TUB: variants seen among roughly 807,000 people sequenced by gnomAD.
TUB encodes the protein tubby protein homolog.
A neutral mutation model predicts 59.7 loss-of-function variants in TUB; 33 were observed. The ratio of observed to expected loss-of-function variants is 0.55; its 90% CI spans 0.42 to 0.74. The LOEUF (loss-of-function observed/expected upper bound fraction) is 0.74. Among genes scored for constraint, TUB ranks in the 30% least tolerant of loss-of-function variants. The pLI is 0.00. For missense variants in TUB, 659 were observed against 672.0 expected, an observed-to-expected ratio of 0.98 and a Z score of 0.21; for synonymous variants, 293 against 256.4, an observed-to-expected ratio of 1.14 and a Z score of -1.36.
At chr11:8,040,910 G>A (rs1394868418) in intron 2 of TUB, among the ~76,000 whole-genome samples, 1 of 152,220 alleles carries the variant, frequency 6.6e-6, no homozygotes, top group Non-Finnish European at 1.5e-5. Context: ...AACCCCTTGT[G>A]TAACAGGCAA....
chr11:8,045,032 T>C (rs965197442), intron 2 of TUB, among the ~76,000 whole-genome samples: 1 of 152,184 alleles, frequency 6.6e-6, no homozygotes, highest in African/African-American at 2.4e-5. Flanking sequence ...TCCTGTTACA[T>C]AGGTACAACT....
intron 4 of TUB, among the ~76,000 whole-genome samples, chr11:8,094,955 T>G (rs1209732098): frequency 6.6e-6 from 1 of 152,218 alleles, no homozygotes; most frequent in Non-Finnish European, 1.5e-5. Flanking sequence ...AGCTCTGTGG[T>G]AACGGGCAGG....
chr11:8,039,073 G>A (rs1942696859), intron 1 of TUB: 3 of 1,597,708 alleles, frequency 1.9e-6, no homozygotes, highest in Non-Finnish European at 2.6e-6. Context: ...CCCAACCATT[G>A]CGTCAGCTCC....
intron 1 of TUB, among the ~76,000 whole-genome samples, chr11:8,086,384 C>T (rs1238539900): frequency 6.6e-6 from 1 of 151,924 alleles, no homozygotes; most frequent in South Asian, 2.1e-4. Context: ...TGGGTGGGGG[C>T]GGAGAAGGGA....
intron 1 of TUB, among the ~76,000 whole-genome samples, chr11:8,022,132 C>T (rs1247997012): frequency 6.6e-6 from 1 of 152,132 alleles, no homozygotes; most frequent in African/African-American, 2.4e-5. Context: ...TTTAAAACTT[C>T]GCAGTTGATT....
intron 2 of TUB, among the ~76,000 whole-genome samples, chr11:8,071,162 C>A (rs920654472): frequency 6.6e-6 from 1 of 152,134 alleles, no homozygotes; most frequent in Non-Finnish European, 1.5e-5. Context: ...TTCAGACCCA[C>A]TTACGGAGTG....
At chr11:8,086,578 C>G (rs991394684) in intron 1 of TUB, among the ~76,000 whole-genome samples, 10 of 152,158 alleles carry the variant, frequency 6.6e-5, no homozygotes, top group African/African-American at 9.7e-5. Context: ...CTTGTCACTG[C>G]TAGGTAATCG....
intron 2 of TUB, among the ~76,000 whole-genome samples, chr11:8,041,627 C>A (rs1589928013): frequency 6.6e-6 from 1 of 152,224 alleles, no homozygotes; most frequent in Admixed American, 6.5e-5. Context: ...TTCTGCCTCC[C>A]ATATCTCCAC....
intron 2 of TUB, among the ~76,000 whole-genome samples, chr11:8,062,964 T>G (rs974760972): frequency 6.6e-6 from 1 of 152,172 alleles, no homozygotes; most frequent in African/African-American, 2.4e-5. Context: ...AACCTTTTCC[T>G]GAGGCACAGG....
chr11:8,093,656 C>G (rs897375050), intron 3 of TUB, among the ~76,000 whole-genome samples: 1 of 152,176 alleles, frequency 6.6e-6, no homozygotes, highest in African/African-American at 2.4e-5. Context: ...TGGTCTCTTC[C>G]AGAAGATGCA....
chr11:8,027,163 G>A (rs975059461), intron 1 of TUB, among the ~76,000 whole-genome samples: 5 of 152,142 alleles, frequency 3.3e-5, no homozygotes, highest in South Asian at 4.1e-4. Flanking sequence ...ATACAAGTCC[G>A]TGGCATCAGT....
intron 2 of TUB, 108 bp from the exon 3 acceptor site, chr11:8,089,961 C>T: frequency 1.5e-5 from 22 of 1,424,600 alleles, no homozygotes; most frequent in Admixed American, 2.8e-5. Context: ...TGTTGGGGTG[C>T]CAAGGACATG....
chr11:8,098,032 C>T (rs1944080199), intron 8 of TUB, among the ~76,000 whole-genome samples: 2 of 152,152 alleles, frequency 1.3e-5, no homozygotes, highest in African/African-American at 4.8e-5. Context: ...CACACCCGAC[C>T]CCAAGCTGTT....
At chr11:8,095,209 A>T (rs1392305715) in intron 4 of TUB, among the ~76,000 whole-genome samples, 1 of 152,074 alleles carries the variant, frequency 6.6e-6, no homozygotes, top group Non-Finnish European at 1.5e-5. Context: ...TCCACTGTGC[A>T]GTTGGTTTTG....
chr11:8,077,242 C>T (rs947895941), upstream of TUB: 4 of 152,172 alleles, frequency 2.6e-5, 1 homozygote, highest in Admixed American at 2.6e-4. Flanking sequence ...TCTAGTGGTC[C>T]CCCACTGGGA....
chr11:8,101,508 T>C lies in TUB; in HGVS notation c.1410T>C (p.Phe470=). 3.7e-6 allele frequency: 6 copies of C among 1,614,246 alleles called. No individual in the cohort carries two copies. The highest frequency in any genetic ancestry group is 5.1e-6 in the Non-Finnish European group (6 of 1,180,046). ...GNDPDYIVMQ[F]GRVAEDVFTM... ...CAGCGGACTACATCGTGATGCAGTT[T>C]GGCCGGGTAGCAGAGGATGTGTTCA... The change falls in exon 12 of 12, where the codon TTT becomes TTC. Residue 470 remains phenylalanine (F), a synonymous_variant. Transcript: ENST00000299506.
rs748960520 is a variant in TUB, at chr11:8,094,137, A to T, written c.345A>T (p.Thr115=). 5.0e-6 allele frequency: 8 copies of T among 1,614,124 alleles called. No individual in the cohort carries two copies. The South Asian group carries it at 8.8e-5, about 18-fold the overall frequency. ...ASAKRTKAAA[T]AGGQGGAARK... is the part of the protein sequence containing the mutation. The stretch of plus-strand genomic sequence containing the variant: ...CCAAGAGAACCAAGGCGGCAGCTAC[A>T]GCAGGGGGCCAGGGTGGCGCCGCTA... The change falls in exon 4 of 12, where the codon ACA becomes ACT. Residue 115 remains threonine (T), a synonymous_variant. Coordinates refer to ENST00000299506, the MANE Select transcript of TUB (RefSeq NM_177972.3).
intron 2 of TUB, among the ~76,000 whole-genome samples, chr11:8,059,069 G>C (rs896433054): frequency 6.6e-6 from 1 of 152,186 alleles, no homozygotes; most frequent in East Asian, 1.9e-4. Flanking sequence ...CAGACGGTGA[G>C]GTAGGGTGGG....
At chr11:8,065,314 G>A (rs1011908876) in intron 2 of TUB, among the ~76,000 whole-genome samples, 2 of 152,140 alleles carry the variant, frequency 1.3e-5, no homozygotes, top group African/African-American at 4.8e-5. Flanking sequence ...CAGGGCATTG[G>A]TGGTGCTGGA....
Sources: allele counts gnomAD v4.1 joint callset (sites outside exome capture counted in the v4.1 genomes callset), GRCh38; gene constraint gnomAD v4.1.1; transcripts MANE v1.5; gene names NCBI Gene and HGNC (gene_info 2026-07-23, HGNC 2026-07-21).